TTLL4: variants seen among roughly 807,000 people sequenced by gnomAD.
The protein encoded by TTLL4 is tubulin tyrosine ligase like 4.
In TTLL4, 85 loss-of-function variants were observed where a neutral mutation model predicts 122.7. That is an observed-to-expected ratio of 0.69 (90% CI 0.58 to 0.83). The LOEUF (loss-of-function observed/expected upper bound fraction) is 0.83. Ranked by LOEUF, TTLL4 falls within the 40% of genes least tolerant of loss-of-function variation. TTLL4 has a pLI of 0.00. For synonymous variants in TTLL4, 553 were observed against 563.0 expected, an observed-to-expected ratio of 0.98 and a Z score of 0.25; for missense variants, 1,363 against 1,488.6, an observed-to-expected ratio of 0.92 and a Z score of 1.39.
rs745428569 is a variant in TTLL4 at position 218,738,832 on chromosome 2, C to T, written c.1156C>T (p.Gln386Ter). 9.3e-6 allele frequency: 15 copies of T among 1,614,218 alleles called. No homozygotes were observed. Among genetic ancestry groups the T allele is most frequent in the Non-Finnish European group, 8.5e-7 (1 of 1,180,040 alleles). The change falls in exon 3 of 20, where the codon CAG becomes TAG. Residue 386 changes from glutamine (Q) to a stop codon, truncating the protein, a stop_gained. Coordinates refer to ENST00000392102, the MANE Select transcript of TTLL4 (RefSeq NM_014640.5). LOFTEE classifies it high-confidence loss of function. ...GCGGTGGAAACCTCCTGCGGTAAAT[C>T]AGCAGTTTCCTCAGGAGGATGCTGG... ...SRRWKPPAVN[Q>*]QFPQEDAGSV... is the part of the protein sequence containing the mutation.
chr2:218,753,724 C>A, intron 19 of TTLL4, 55 bp downstream of exon 19: 1 of 1,573,078 alleles, frequency 6.4e-7, no homozygotes, highest in Admixed American at 1.7e-5. Flanking sequence ...GTAGAGTTTT[C>A]TTCCTTCCCC....
In TTLL4 at chr2:218,717,069, C is replaced by T. The variant is rs919267264; in HGVS notation, c.-178+6032C>T. Among the ~76,000 whole-genome samples, 7 of 151,884 alleles carry T rather than the reference C, an allele frequency of 4.6e-5. No homozygotes were observed. The South Asian group carries it at 8.3e-4, about 18-fold the overall frequency. On this transcript the variant is annotated intron_variant, in intron 1 of 19. Transcript: ENST00000392102. Reference sequence around the variant, plus strand: ...TGATCATGGCTTACTGCAGTCTCCACCCCCCAGGCTCAGGTGATCCTCCTA... The same window carrying T: ...TGATCATGGCTTACTGCAGTCTCCATCCCCCAGGCTCAGGTGATCCTCCTA...
At chr2:218,715,739 C>T (rs1010468938) in intron 1 of TTLL4, among the ~76,000 whole-genome samples, 5 of 152,168 alleles carry the variant, frequency 3.3e-5, no homozygotes, top group African/African-American at 9.7e-5. Context: ...ACGCCATTCT[C>T]CTGCCTCAGC....
At chr2:218,717,595 T>G (rs889421665) in intron 1 of TTLL4, among the ~76,000 whole-genome samples, 5 of 152,184 alleles carry the variant, frequency 3.3e-5, no homozygotes, top group Non-Finnish European at 7.4e-5. Flanking sequence ...TACCTGTAAT[T>G]TCACTAATCT....
Position 218,753,560 on chromosome 2 carries a change from T to C in TTLL4, c.3259-24T>C, listed in dbSNP as rs1409993615. 3 of 1,612,914 alleles carry C rather than the reference T, an allele frequency of 1.9e-6. No homozygotes were observed. In the African/African-American group the frequency reaches 4.0e-5, roughly 22 times the overall value. On this transcript the variant is annotated intron_variant, in intron 18 of 19. Coordinates refer to ENST00000392102, the MANE Select transcript of TTLL4 (RefSeq NM_014640.5). ...GCCTTGCCTCCGCCAAGCCTTTTGG[T>C]CTCATTGCTTCCTTTGCTCTTAGTG... is the stretch of plus-strand genomic sequence containing the variant.
Position 218,748,935 on chromosome 2 carries a change from G to C in TTLL4, c.2600+1G>C, listed in dbSNP as rs140794337. 11 of 1,613,850 alleles carry C rather than the reference G, an allele frequency of 6.8e-6. No individual in the cohort carries two copies. Among genetic ancestry groups the C allele is most frequent in the Non-Finnish European group, 5.1e-6 (6 of 1,179,924 alleles). On this transcript the variant is annotated splice_donor_variant, in intron 13 of 19. Coordinates refer to ENST00000392102, the MANE Select transcript of TTLL4 (RefSeq NM_014640.5). LOFTEE classifies it high-confidence loss of function. ...ATGTTGTTGTCAAAACTATCATCTC[G>C]TGAGTCACATTGCCAACCTGGATGT...
intron 5 of TTLL4, among the ~76,000 whole-genome samples, chr2:218,742,083 C>T (rs1353673736): frequency 6.6e-6 from 1 of 152,142 alleles, no homozygotes; most frequent in Non-Finnish European, 1.5e-5. Context: ...GCCTCAGCCT[C>T]CTGAGCAGCT....
chr2:218,735,790 A>G (rs1331102474), intron 2 of TTLL4, among the ~76,000 whole-genome samples: 1 of 151,030 alleles, frequency 6.6e-6, no homozygotes, highest in East Asian at 2.0e-4. Flanking sequence ...CTCCTGCCTC[A>G]GGCTCCCAAG....
At chr2:218,749,229 G>C in intron 13 of TTLL4, 24 bp from the exon 14 acceptor site, 1 of 1,613,722 alleles carries the variant, frequency 6.2e-7, no homozygotes. Flanking sequence ...GCTGAACTGA[G>C]TACTTCCTCA....
rs139218846 is a variant in TTLL4 at position 218,738,321 on chromosome 2, C to A, written c.645C>A (p.Pro215=). The A allele has an allele frequency of 6.2e-7, 1 of 1,614,042 alleles. No homozygotes were observed. Among genetic ancestry groups the A allele is most frequent in the Non-Finnish European group, 8.5e-7 (1 of 1,179,964 alleles). ...IPSPLSSSYK[P]MLNNNSFMWP... ...CTCCACTCTCTTCCTCCTATAAGCC[C>A]ATGCTGAATAATAATTCCTTCATGT... The change falls in exon 3 of 20, where the codon CCC becomes CCA. Residue 215 remains proline, a synonymous_variant. Transcript: ENST00000392102.
chr2:218,748,735 G>C (rs1288596587), intron 12 of TTLL4, 101 bp from the exon 13 acceptor site: 5 of 932,802 alleles, frequency 5.4e-6, no homozygotes, highest in Non-Finnish European at 8.2e-6. Flanking sequence ...GAAAGGAAGA[G>C]ATATGAAGAA....
rs776916089 is a variant in TTLL4, at chr2:218,754,399, C to T, written c.*10C>T. The T allele has an allele frequency of 6.2e-7, 1 of 1,613,760 alleles. No homozygotes were observed. The highest frequency in any genetic ancestry group is 8.5e-7 in the Non-Finnish European group (1 of 1,179,954). On this transcript the variant is annotated 3_prime_UTR_variant, in exon 20 of 20. Coordinates refer to ENST00000392102, the MANE Select transcript of TTLL4 (RefSeq NM_014640.5). ...GGCTGTGAGCCCATAACTGGCCTCTCTCCAAAAGCCTCTGCCCAGGAGCAT... is the reference window on the plus strand; with the variant it reads ...GGCTGTGAGCCCATAACTGGCCTCTTTCCAAAAGCCTCTGCCCAGGAGCAT...
chr2:218,719,848 C>T (rs576155708), intron 1 of TTLL4, among the ~76,000 whole-genome samples: 1 of 152,222 alleles, frequency 6.6e-6, no homozygotes, highest in African/African-American at 2.4e-5. Context: ...CTGGAGGTTG[C>T]CTGCAGGGTG....
chr2:218,715,819 A>G (rs1028992711), intron 1 of TTLL4, among the ~76,000 whole-genome samples: 3 of 151,974 alleles, frequency 2.0e-5, no homozygotes, highest in Admixed American at 6.6e-5. Context: ...TTTAGTAGAG[A>G]TGGGGTTTCA....
rs1201763054 is a variant in TTLL4 at position 218,745,825 on chromosome 2, G to T, written c.1897+24G>T. On this transcript the variant is annotated intron_variant, in intron 7 of 19. Coordinates refer to ENST00000392102, the MANE Select transcript of TTLL4 (RefSeq NM_014640.5). ...AAGTGAGTTGCTTGCCTTACTGTGA[G>T]CCTGTCCTTTTGCCCCAAATAGATG... 4 of 1,599,426 alleles carry T rather than the reference G, an allele frequency of 2.5e-6. No homozygotes were observed. In the Admixed American group the frequency reaches 6.8e-5, roughly 27 times the overall value.
At chr2:218,757,060 T>G (rs1167568753), downstream of TTLL4, among the ~76,000 whole-genome samples, 1 of 152,200 alleles carries the variant, frequency 6.6e-6, no homozygotes, top group African/African-American at 2.4e-5. Context: ...CTTTGTAGTA[T>G]GAATATAATA....
chr2:218,725,079 A>T (rs1435350546), intron 1 of TTLL4, among the ~76,000 whole-genome samples: 1 of 151,502 alleles, frequency 6.6e-6, no homozygotes, highest in Admixed American at 6.6e-5. Flanking sequence ...TTTATTTTTT[A>T]TTATTATTTG....
intron 1 of TTLL4, among the ~76,000 whole-genome samples, chr2:218,718,006 GT>G (rs1941916734): frequency 6.6e-6 from 1 of 152,120 alleles, no homozygotes; most frequent in Non-Finnish European, 1.5e-5. Context: ...AACCAGGATG[GT>G]TTTGATCTCC....
rs1403639183 is a variant in TTLL4, at chr2:218,745,768, A to G, written c.1864A>G (p.Thr622Ala). The G allele has an allele frequency of 1.2e-6, 2 of 1,613,604 alleles. No homozygotes were observed. The highest frequency in any genetic ancestry group is 8.5e-7 in the Non-Finnish European group (1 of 1,179,848). Residue 622 changes from threonine (T) to alanine (A), a missense_variant, in exon 7 of 20, where the codon ACC (threonine) becomes GCC (alanine). Physicochemically the swap from Thr to Ala is moderately conservative, Grantham distance 58 (BLOSUM62 0). Transcript: ENST00000392102. ...AGTGACCCCCAACATTGTCAAGCAG[A>G]CCATTGGACGGTCCCACTTCAAAAT... is the stretch of plus-strand genomic sequence containing the variant. ...STVTPNIVKQ[T>A]IGRSHFKISK...
Sources: gnomAD v4.1 joint callset for allele counts (sites outside exome capture counted in the v4.1 genomes callset) on GRCh38, gnomAD v4.1.1 for gene constraint, MANE v1.5 for transcripts, NCBI Gene and HGNC (gene_info 2026-07-23, HGNC 2026-07-21) for gene names.